EPHA5: variants seen among roughly 807,000 people sequenced by gnomAD.
EPHA5 encodes EPH receptor A5.
EPHA5 carries 60 observed loss-of-function variants against 105.0 expected under a neutral mutation model. The observed-to-expected ratio is 0.57, with a 90% CI of 0.46 to 0.71. The LOEUF (loss-of-function observed/expected upper bound fraction) is 0.71. Among genes scored for constraint, EPHA5 ranks in the 30% least tolerant of loss-of-function variants. EPHA5 has a pLI of 0.00. For synonymous variants in EPHA5, 513 were observed against 449.1 expected (o/e 1.14, Z -1.80); for missense variants, 1,218 against 1,274.7 (o/e 0.96, Z 0.68).
chr4:65,572,710 C>G (rs1489613787), intron 3 of EPHA5, among the ~76,000 whole-genome samples: 2 of 152,270 alleles, frequency 1.3e-5, no homozygotes, highest in South Asian at 2.1e-4. Flanking sequence ...AGAGCATGTC[C>G]TTTACTCATT....
chr4:65,616,195 A>G (rs527347585), intron 2 of EPHA5, among the ~76,000 whole-genome samples: 1 of 152,088 alleles, frequency 6.6e-6, no homozygotes, highest in South Asian at 2.1e-4. Flanking sequence ...AAACGTTAAT[A>G]CTTTATGACT....
intron 8 of EPHA5, among the ~76,000 whole-genome samples, chr4:65,393,412 C>T (rs79996402): frequency 0.011 from 1,680 of 152,220 alleles, 36 homozygotes; most frequent in African/African-American, 0.039. Flanking sequence ...GGTGAGAGCC[C>T]TAAAGTCAAA....
intron 5 of EPHA5, among the ~76,000 whole-genome samples, chr4:65,480,061 A>G (rs1730205668): frequency 6.6e-6 from 1 of 152,094 alleles, no homozygotes; most frequent in Non-Finnish European, 1.5e-5. Context: ...CACATGAGAT[A>G]CAAACAAACA....
At chr4:65,544,596 T>C (rs941925295) in intron 3 of EPHA5, among the ~76,000 whole-genome samples, 3 of 151,952 alleles carry the variant, frequency 2.0e-5, no homozygotes, top group Non-Finnish European at 2.9e-5. Flanking sequence ...GGCATGGCTA[T>C]GGAGAAATAG....
intron 14 of EPHA5, among the ~76,000 whole-genome samples, chr4:65,341,310 A>C (rs1721694853): frequency 6.6e-6 from 1 of 152,076 alleles, no homozygotes; most frequent in Non-Finnish European, 1.5e-5. Context: ...CCCAGCTAGG[A>C]AGTGGGGGTG....
At chr4:65,557,453 C>T (rs1321363917) in intron 3 of EPHA5, among the ~76,000 whole-genome samples, 2 of 151,512 alleles carry the variant, frequency 1.3e-5, no homozygotes, top group East Asian at 1.9e-4. Flanking sequence ...ATTGATTCAG[C>T]AAATATTTAT....
chr4:65,508,790 A>G (rs2149256165), intron 3 of EPHA5, among the ~76,000 whole-genome samples: 1 of 152,204 alleles, frequency 6.6e-6, no homozygotes, highest in East Asian at 1.9e-4. Flanking sequence ...AGGTTTTCAC[A>G]CTGTAATTTG....
intron 3 of EPHA5, among the ~76,000 whole-genome samples, chr4:65,510,748 C>T (rs1733541208): frequency 6.6e-6 from 1 of 152,120 alleles, no homozygotes; most frequent in African/African-American, 2.4e-5. Flanking sequence ...ATTGATATCT[C>T]ACAATCACTG....
chr4:65,423,658 T>C (rs1021962561), intron 5 of EPHA5, among the ~76,000 whole-genome samples: 6 of 148,584 alleles, frequency 4.0e-5, no homozygotes, highest in Admixed American at 2.7e-4. Flanking sequence ...CCCATCATTA[T>C]GGGTTTGTCT....
At chr4:65,467,008 G>T (rs1173402599) in intron 5 of EPHA5, among the ~76,000 whole-genome samples, 2 of 152,140 alleles carry the variant, frequency 1.3e-5, no homozygotes, top group Non-Finnish European at 2.9e-5. Flanking sequence ...CACAGAAAAA[G>T]TGATAGCCCC....
At chr4:65,587,526 C>T (rs1328590293) in intron 3 of EPHA5, among the ~76,000 whole-genome samples, 1 of 152,026 alleles carries the variant, frequency 6.6e-6, no homozygotes, top group Non-Finnish European at 1.5e-5. Flanking sequence ...AACTTTAAAC[C>T]CATGTACACA....
At chr4:65,651,954 A>G (rs1203433696) in intron 1 of EPHA5, among the ~76,000 whole-genome samples, 1 of 152,188 alleles carries the variant, frequency 6.6e-6, no homozygotes, top group Non-Finnish European at 1.5e-5. Flanking sequence ...GCAGTCTGCT[A>G]TATTCACAGA....
intron 11 of EPHA5, among the ~76,000 whole-genome samples, chr4:65,355,555 T>G (rs1349536131): frequency 1.3e-5 from 2 of 151,536 alleles, no homozygotes; most frequent in Non-Finnish European, 3.0e-5. Context: ...CCTTTTATAT[T>G]CATCTGAAGT....
rs1734749199 is a variant in EPHA5 at position 65,521,768 on chromosome 4, G to A, written c.911-26225C>T. 3.9e-5 allele frequency among the ~76,000 whole-genome samples: 6 copies of A among 152,016 alleles called. No homozygotes were observed. The South Asian group carries it at 1.2e-3, about 31-fold the overall frequency. ...ATGCCCAATAAGGAAGCAAAAGCAA[G>A]CCTTTCCTTTCCTTTTCTTTGTGTA... On this transcript the variant is annotated intron_variant, in intron 3 of 16. Transcript: ENST00000613740.
At chr4:65,609,831 T>G (rs1744597785) in intron 2 of EPHA5, among the ~76,000 whole-genome samples, 2 of 152,032 alleles carry the variant, frequency 1.3e-5, no homozygotes, top group Admixed American at 1.3e-4. Context: ...AAAGTATTTC[T>G]TAGTTAAATA....
Position 65,602,091 on chromosome 4 carries a change from A to G in EPHA5, c.460T>C (p.Tyr154His), listed in dbSNP as rs2149440539. ...TTCTGATCATCTGACTCAAAGTAAT[A>G]CATATTAAAGGTTTCCTTACAGGTC... ...LGTCKETFNM[Y>H]YFESDDQNGR... is the part of the protein sequence containing the mutation. The change falls in exon 3 of 17, where the codon TAT becomes CAT. Residue 154 changes from tyrosine (Y) to histidine (H), a missense_variant. Coordinates refer to ENST00000613740, the MANE Select transcript of EPHA5 (RefSeq NM_001281766.3). 1 of 1,614,092 alleles carries G rather than the reference A, an allele frequency of 6.2e-7. No homozygotes were observed. The highest frequency in any genetic ancestry group is 1.6e-4 in the Middle Eastern group (1 of 6,062).
intron 5 of EPHA5, among the ~76,000 whole-genome samples, chr4:65,477,098 C>T (rs906339105): frequency 3.3e-5 from 5 of 152,074 alleles, no homozygotes; most frequent in African/African-American, 4.8e-5. Flanking sequence ...AGAAAAGATT[C>T]CAGAAAAATA....
intron 3 of EPHA5, among the ~76,000 whole-genome samples, chr4:65,551,254 A>ATGTGTGTGTG (rs71657186): frequency 4.1e-4 from 58 of 141,634 alleles, no homozygotes; most frequent in Admixed American, 1.1e-3. Context: ...ATATTTATAT[A>ATGTGTGTGTG]TGTGTGTGTG....
chr4:65,497,799 C>A (rs560824123), intron 3 of EPHA5, among the ~76,000 whole-genome samples: 3 of 151,848 alleles, frequency 2.0e-5, no homozygotes, highest in Non-Finnish European at 4.4e-5. Context: ...TAATATAAAT[C>A]GAAGTAAAAA....
Sources: gnomAD v4.1 joint callset for allele counts (sites outside exome capture counted in the v4.1 genomes callset) on GRCh38, gnomAD v4.1.1 for gene constraint, MANE v1.5 for transcripts, NCBI Gene and HGNC (gene_info 2026-07-23, HGNC 2026-07-21) for gene names.